Variants in ARNT2 observed in about 807,000 individuals in gnomAD.
ARNT2 encodes the protein ARNT protein 2.
A neutral mutation model predicts 91.7 loss-of-function variants in ARNT2; 36 were observed. The observed-to-expected ratio is 0.39, with a 90% CI of 0.30 to 0.52. The LOEUF (loss-of-function observed/expected upper bound fraction) is 0.52. Ranked by LOEUF, ARNT2 falls within the 20% of genes least tolerant of loss-of-function variation. The pLI, the probability that ARNT2 is intolerant of heterozygous loss-of-function variation, is 0.72. For synonymous variants in ARNT2, 365 were observed against 347.1 expected (o/e 1.05, Z -0.57); for missense variants, 775 against 939.3 (o/e 0.83, Z 2.29).
At chr15:80,424,923 C>T (rs541294209) in intron 1 of ARNT2, among the ~76,000 whole-genome samples, 6 of 152,296 alleles carry the variant, frequency 3.9e-5, no homozygotes, top group East Asian at 3.9e-4. Flanking sequence ...AAGAATCTGA[C>T]GTGAATTTTA....
chr15:80,573,239 A>G (rs937951857), intron 12 of ARNT2, among the ~76,000 whole-genome samples: 2 of 152,232 alleles, frequency 1.3e-5, no homozygotes, highest in African/African-American at 4.8e-5. Context: ...TATTTTGATT[A>G]TTTTAATGGC....
chr15:80,449,303 G>T (rs751065019), intron 1 of ARNT2, among the ~76,000 whole-genome samples: 2 of 152,182 alleles, frequency 1.3e-5, no homozygotes, highest in African/African-American at 4.8e-5. Context: ...GACTTTCATT[G>T]TCATCTGTCT....
At chr15:80,526,157 G>A (rs1897636764) in intron 8 of ARNT2, among the ~76,000 whole-genome samples, 1 of 152,130 alleles carries the variant, frequency 6.6e-6, no homozygotes. Flanking sequence ...GTTACACAGT[G>A]GCCTTCTTAA....
intron 11 of ARNT2, among the ~76,000 whole-genome samples, chr15:80,562,352 A>C (rs1419230765): frequency 6.6e-6 from 1 of 152,224 alleles, no homozygotes; most frequent in African/African-American, 2.4e-5. Context: ...TTTGGAAATG[A>C]GATCTTGCTT....
At chr15:80,531,825 T>C (rs765610528) in intron 8 of ARNT2, among the ~76,000 whole-genome samples, 1 of 152,206 alleles carries the variant, frequency 6.6e-6, no homozygotes, top group Non-Finnish European at 1.5e-5. Context: ...GCCACTCTTA[T>C]AGATGGAGAA....
chr15:80,515,577 T>C (rs77600105), intron 8 of ARNT2, among the ~76,000 whole-genome samples: 6,874 of 152,260 alleles, frequency 0.045, 364 homozygotes, highest in African/African-American at 0.13. Flanking sequence ...TTCTTGGTAC[T>C]GCAGGGAAGA....
rs1420645021 is a variant in ARNT2 at position 80,533,924 on chromosome 15, T to C, written c.878-17275T>C. On this transcript the variant is annotated intron_variant, in intron 8 of 18. Transcript: ENST00000303329. Reference sequence around the variant, plus strand: ...GATGTCCTCTTTTCACCTCACTGTGTCTTTATTTTTATGGCCCTGTAGCAA... The same window carrying C: ...GATGTCCTCTTTTCACCTCACTGTGCCTTTATTTTTATGGCCCTGTAGCAA... Among the ~76,000 whole-genome samples, 9 of 152,256 alleles carry C rather than the reference T, an allele frequency of 5.9e-5. No homozygotes were observed. The East Asian group carries it at 1.5e-3, about 26-fold the overall frequency.
chr15:80,582,996 A>C (rs972650895), intron 17 of ARNT2, among the ~76,000 whole-genome samples: 3 of 152,170 alleles, frequency 2.0e-5, no homozygotes, highest in Non-Finnish European at 4.4e-5. Context: ...CCTTCCCGGA[A>C]GCCCAGGGAC....
chr15:80,433,198 A>ATT (rs11403665), intron 1 of ARNT2, among the ~76,000 whole-genome samples: 18 of 145,402 alleles, frequency 1.2e-4, no homozygotes, highest in African/African-American at 4.0e-4. Flanking sequence ...GTATGCCCAC[A>ATT]TTTTTTTTCC....
chr15:80,409,091 T>C (rs994097906), intron 1 of ARNT2, among the ~76,000 whole-genome samples: 3 of 152,184 alleles, frequency 2.0e-5, no homozygotes, highest in African/African-American at 7.2e-5. Context: ...TCACCCAAAG[T>C]CCATAGTTCA....
At chr15:80,502,711 T>C (rs574336348) in intron 5 of ARNT2, among the ~76,000 whole-genome samples, 1 of 151,954 alleles carries the variant, frequency 6.6e-6, no homozygotes, top group South Asian at 2.1e-4. Flanking sequence ...GGGAGTTGAG[T>C]TGAGTTCAGG....
chr15:80,452,969 G>A (rs886250991), intron 2 of ARNT2, among the ~76,000 whole-genome samples: 6 of 152,300 alleles, frequency 3.9e-5, no homozygotes, highest in South Asian at 4.1e-4. Flanking sequence ...ACAGGGTCTC[G>A]CTCTGTGGCC....
intron 5 of ARNT2, among the ~76,000 whole-genome samples, chr15:80,497,502 C>G (rs1897137844): frequency 6.6e-6 from 1 of 152,246 alleles, no homozygotes; most frequent in Non-Finnish European, 1.5e-5. Context: ...GATTCTTCTG[C>G]AGGGCCTCTA....
At chr15:80,522,798 A>ATGTGTGTG (rs367547537) in intron 8 of ARNT2, among the ~76,000 whole-genome samples, 12 of 142,438 alleles carry the variant, frequency 8.4e-5, no homozygotes, top group South Asian at 2.2e-4. Context: ...ATATTTACAT[A>ATGTGTGTG]TGTGTGTGTG....
rs117608146 is a variant in ARNT2 at position 80,508,798 on chromosome 15, A to G, written c.725+540A>G. On this transcript the variant is annotated intron_variant, in intron 6 of 18. Transcript: ENST00000303329. Reference sequence around the variant, plus strand: ...TGACATCTAGCAGAGTCTTCTACATATATTTGATTTGTACATCATAATTGA... The same window carrying G: ...TGACATCTAGCAGAGTCTTCTACATGTATTTGATTTGTACATCATAATTGA... Among the ~76,000 whole-genome samples the G allele has an allele frequency of 1.6e-3, 241 of 152,342 alleles. 3 individuals are homozygous for G. In the East Asian group the frequency reaches 0.02, roughly 13 times the overall value.
At chr15:80,453,986 G>A (rs1896443878) in intron 2 of ARNT2, among the ~76,000 whole-genome samples, 1 of 152,190 alleles carries the variant, frequency 6.6e-6, no homozygotes. Flanking sequence ...ATGTCTTGCA[G>A]TTGGGATCCT....
intron 8 of ARNT2, among the ~76,000 whole-genome samples, chr15:80,516,828 A>AATATATATATATATATAT (rs56146872): frequency 0.13 from 9,364 of 73,826 alleles, 1,509 homozygotes; most frequent in Non-Finnish European, 0.15. Flanking sequence ...TACAATTACA[A>AATATATATATATATATAT]ATATATATAT....
At chr15:80,533,085 G>A (rs1446404170) in intron 8 of ARNT2, among the ~76,000 whole-genome samples, 2 of 152,230 alleles carry the variant, frequency 1.3e-5, no homozygotes, top group East Asian at 3.8e-4. Context: ...GGGGCTGTTG[G>A]AGAAAGGAGC....
At chr15:80,474,694 C>T (rs1208332138) in intron 4 of ARNT2, among the ~76,000 whole-genome samples, 8 of 152,184 alleles carry the variant, frequency 5.3e-5, no homozygotes, top group East Asian at 1.9e-4. Flanking sequence ...AAGCTGTTCA[C>T]GCCTCTGGCA....
Sources: allele counts gnomAD v4.1 joint callset (sites outside exome capture counted in the v4.1 genomes callset), GRCh38; gene constraint gnomAD v4.1.1; transcripts MANE v1.5; gene names NCBI Gene and HGNC (gene_info 2026-07-23, HGNC 2026-07-21).